Variants in SGCD observed in about 807,000 individuals in gnomAD.
The protein encoded by SGCD is delta-sarcoglycan.
A neutral mutation model predicts 36.6 loss-of-function variants in SGCD; 18 were observed. The ratio of observed to expected loss-of-function variants is 0.49; its 90% CI spans 0.34 to 0.73. The LOEUF (loss-of-function observed/expected upper bound fraction) is 0.73, where lower values mean the gene tolerates loss of function less well. Ranked by LOEUF, SGCD falls within the 30% of genes least tolerant of loss-of-function variation. The pLI is 0.01. For missense variants in SGCD, 387 were observed against 346.7 expected, an observed-to-expected ratio of 1.12 and a Z score of -0.92; for synonymous variants, 133 against 130.6, an observed-to-expected ratio of 1.02 and a Z score of -0.12.
intron 4 of SGCD, among the ~76,000 whole-genome samples, chr5:156,581,992 C>T (rs531559378): frequency 6.6e-6 from 1 of 152,318 alleles, no homozygotes; most frequent in South Asian, 2.1e-4. Flanking sequence ...AGAAATCACC[C>T]TCTTCTGCAT....
chr5:156,072,520 T>C (rs537429774), intron 1 of SGCD, among the ~76,000 whole-genome samples: 33,481 of 150,498 alleles, frequency 0.22, 4,375 homozygotes, highest in African/African-American at 0.36. Flanking sequence ...TGATGGGCTT[T>C]CCTTTGAGGG....
intron 1 of SGCD, among the ~76,000 whole-genome samples, chr5:155,954,116 C>T (rs769958098): frequency 1.1e-4 from 17 of 152,172 alleles, no homozygotes; most frequent in Admixed American, 9.8e-4. Flanking sequence ...ACTTCTAAAA[C>T]TTGACTCTTC....
chr5:156,514,067 T>C (rs975066596), intron 4 of SGCD, among the ~76,000 whole-genome samples: 2 of 152,230 alleles, frequency 1.3e-5, no homozygotes, highest in Non-Finnish European at 2.9e-5. Flanking sequence ...GGATATCTTT[T>C]TAATTGCTAA....
intron 1 of SGCD, among the ~76,000 whole-genome samples, chr5:155,912,405 C>T (rs971416701): frequency 6.6e-6 from 1 of 152,078 alleles, no homozygotes; most frequent in Non-Finnish European, 1.5e-5. Context: ...AGAGAAAATG[C>T]CTTCAACATT....
At chr5:156,708,919 A>G (rs1237326327) in intron 7 of SGCD, among the ~76,000 whole-genome samples, 1 of 152,174 alleles carries the variant, frequency 6.6e-6, no homozygotes, top group Admixed American at 6.5e-5. Flanking sequence ...CTAGGAAAGT[A>G]AACATATGGG....
chr5:156,595,175 A>G (rs1760878155), intron 6 of SGCD, 124 bp downstream of exon 6: 4 of 1,153,734 alleles, frequency 3.5e-6, no homozygotes, highest in Non-Finnish European at 3.6e-6. Flanking sequence ...CTAACTCCCA[A>G]GATAATGGTA....
At chr5:155,945,592 C>T (rs1182059434) in intron 1 of SGCD, among the ~76,000 whole-genome samples, 1 of 152,162 alleles carries the variant, frequency 6.6e-6, no homozygotes, top group Non-Finnish European at 1.5e-5. Context: ...GAAGACTTCT[C>T]TCATGATTTA....
At chr5:155,763,081 G>T in the SGCD span, among the ~76,000 whole-genome samples, 1 of 152,110 alleles carries the variant, frequency 6.6e-6, no homozygotes, top group Non-Finnish European at 1.5e-5. Context: ...TAGTACAGTT[G>T]TTTCTTTTGT....
intron 1 of SGCD, among the ~76,000 whole-genome samples, chr5:156,072,960 G>A (rs978865867): frequency 1.5e-4 from 23 of 151,998 alleles, no homozygotes; most frequent in African/African-American, 5.1e-4. Flanking sequence ...CGTAGTTCTC[G>A]AGCCTTGGCT....
chr5:156,029,213 G>A (rs1465000791), intron 1 of SGCD, among the ~76,000 whole-genome samples: 2 of 152,126 alleles, frequency 1.3e-5, no homozygotes, highest in South Asian at 2.1e-4. Context: ...TCTGTCTAAT[G>A]GATTAATAAT....
chr5:156,263,665 C>A (rs1765926738), intron 3 of SGCD, among the ~76,000 whole-genome samples: 1 of 152,036 alleles, frequency 6.6e-6, no homozygotes, highest in African/African-American at 2.4e-5. Context: ...AAGTCTTTGC[C>A]TAAGCCAATG....
intron 1 of SGCD, among the ~76,000 whole-genome samples, chr5:156,011,631 G>A (rs1177391108): frequency 1.3e-5 from 2 of 152,022 alleles, no homozygotes; most frequent in Non-Finnish European, 2.9e-5. Flanking sequence ...GTAAAGACAG[G>A]GTTTCACCAT....
chr5:156,289,713 T>C (rs759166615), intron 3 of SGCD, among the ~76,000 whole-genome samples: 2 of 152,124 alleles, frequency 1.3e-5, no homozygotes, highest in Non-Finnish European at 2.9e-5. Context: ...AGACAAGGTC[T>C]AGCTTTTGTT....
chr5:155,802,655 C>T, the SGCD span, among the ~76,000 whole-genome samples: 2 of 152,152 alleles, frequency 1.3e-5, no homozygotes, highest in Non-Finnish European at 2.9e-5. Context: ...TTTAGCAGCT[C>T]CTACACTTTA....
intron 1 of SGCD, among the ~76,000 whole-genome samples, chr5:156,072,737 G>A (rs190836661): frequency 3.3e-4 from 50 of 152,242 alleles, no homozygotes; most frequent in African/African-American, 1.2e-3. Context: ...TTCCAACTTG[G>A]TTCCATTCTC....
chr5:156,174,793 T>C (rs1189322886), intron 3 of SGCD, among the ~76,000 whole-genome samples: 6 of 152,176 alleles, frequency 3.9e-5, no homozygotes, highest in Non-Finnish European at 8.8e-5. Flanking sequence ...TAAGACTTCA[T>C]GGTTTCTTAT....
intron 3 of SGCD, among the ~76,000 whole-genome samples, chr5:156,310,265 T>C (rs1394195199): frequency 6.6e-6 from 1 of 152,212 alleles, no homozygotes; most frequent in Non-Finnish European, 1.5e-5. Context: ...CACTGGTCTT[T>C]TACATCCCTT....
chr5:155,891,502 A>T (rs962171582), intron 1 of SGCD, among the ~76,000 whole-genome samples: 2 of 147,942 alleles, frequency 1.4e-5, no homozygotes, highest in African/African-American at 5.0e-5. Context: ...CTCACTGTTG[A>T]TGATGACTAT....
intron 3 of SGCD, 92 bp from the exon 4 acceptor site, chr5:156,508,509 A>G: frequency 2.8e-6 from 2 of 714,564 alleles, no homozygotes; most frequent in Non-Finnish European, 4.9e-6. Flanking sequence ...AATTAAAAAA[A>G]AAAAAGGCTA....
Sources: allele counts gnomAD v4.1 joint callset (sites outside exome capture counted in the v4.1 genomes callset), GRCh38; gene constraint gnomAD v4.1.1; transcripts MANE v1.5; gene names NCBI Gene and HGNC (gene_info 2026-07-23, HGNC 2026-07-21).